The following CEP89 variants were observed in gnomAD, a reference collection of about 807,000 sequenced individuals.
CEP89 encodes the protein centrosomal protein 89.
Under a neutral mutation model 97.6 loss-of-function variants are expected in CEP89, and 95 were observed. The ratio of observed to expected loss-of-function variants is 0.97; its 90% confidence interval spans 0.82 to 1.15. The LOEUF (loss-of-function observed/expected upper bound fraction) is 1.15. CEP89 is among the 50% of genes most tolerant of loss of function. The pLI, the probability that CEP89 is intolerant of heterozygous loss-of-function variation, is 0.00. For synonymous variants in CEP89, 354 were observed against 349.1 expected (o/e 1.01, Z -0.16); for missense variants, 869 against 947.7 (o/e 0.92, Z 1.09).
intron 14 of CEP89, among the ~76,000 whole-genome samples, chr19:32,913,819 A>C (rs1363494239): frequency 6.6e-6 from 1 of 151,810 alleles, no homozygotes; most frequent in Non-Finnish European, 1.5e-5. Context: ...TTATACTTTC[A>C]GTAGAGACAG....
At chr19:32,952,482 T>A (rs1433012734) in intron 4 of CEP89, among the ~76,000 whole-genome samples, 3 of 141,942 alleles carry the variant, frequency 2.1e-5, no homozygotes, top group South Asian at 2.3e-4. Flanking sequence ...CATCTCAATT[T>A]AAAAAAAAAA....
chr19:32,971,472 TAGC>T, intron 1 of CEP89: 1 of 544,480 alleles, frequency 1.8e-6, no homozygotes, highest in Non-Finnish European at 3.3e-6. Flanking sequence ...CATAGGAACA[TAGC>T]AAGATCCCTG....
intron 5 of CEP89, among the ~76,000 whole-genome samples, chr19:32,944,235 A>AAAAAAAAAAAAAAAAAAAAAC (rs1970749221): frequency 1.6e-5 from 2 of 123,728 alleles, no homozygotes; most frequent in African/African-American, 2.9e-5. Flanking sequence ...AAAAAAAAAA[A>AAAAAAAAAAAAAAAAAAAAAC]AAGACTCTTC....
At chr19:32,931,893 A>G (rs1970482258) in intron 8 of CEP89, among the ~76,000 whole-genome samples, 1 of 152,214 alleles carries the variant, frequency 6.6e-6, no homozygotes, top group Non-Finnish European at 1.5e-5. Context: ...TTGAAAAATC[A>G]TACAGAGGCC....
At chr19:32,909,420 C>CACA (rs1253089672) in intron 14 of CEP89, among the ~76,000 whole-genome samples, 1 of 152,186 alleles carries the variant, frequency 6.6e-6, no homozygotes, top group Non-Finnish European at 1.5e-5. Context: ...TGACACAGTA[C>CACA]ACACCAAGTA....
chr19:32,892,676 G>GAAAAAA (rs61294746), intron 16 of CEP89, among the ~76,000 whole-genome samples: 1 of 107,392 alleles, frequency 9.3e-6, no homozygotes, highest in African/African-American at 3.4e-5. Context: ...AGGGCTAAAA[G>GAAAAAA]AAAAAAAAAA....
At chr19:32,944,528 C>T (rs1450734037) in intron 5 of CEP89, among the ~76,000 whole-genome samples, 2 of 152,080 alleles carry the variant, frequency 1.3e-5, no homozygotes, top group East Asian at 3.9e-4. Flanking sequence ...CACTTAACTA[C>T]ATGAAGGTCT....
rs139729404 is a variant in CEP89, at chr19:32,882,420, A to C, written c.1966-407T>G. Among the ~76,000 whole-genome samples, 194 of 152,098 alleles carry C rather than the reference A, an allele frequency of 1.3e-3. 2 individuals are homozygous for C. In the East Asian group the frequency reaches 0.033, roughly 26 times the overall value. ...TCTATTAAAAATACAAAAATTAGCC[A>C]GGCGTTGTAGTGCATGCCTGTAGTC... On this transcript the variant is annotated intron_variant, in intron 17 of 18. Coordinates refer to ENST00000305768, the MANE Select transcript of CEP89 (RefSeq NM_032816.5).
chr19:32,887,478 TGA>T (rs1169581326), intron 17 of CEP89, among the ~76,000 whole-genome samples: 1 of 152,112 alleles, frequency 6.6e-6, no homozygotes, highest in Non-Finnish European at 1.5e-5. Flanking sequence ...CTGGGCCTCC[TGA>T]GTCACTGAGA....
At position 32,923,479 on chromosome 19, in the gene CEP89, G is replaced by A; in HGVS notation, c.1228C>T (p.Gln410Ter). Residue 410 changes from glutamine to a stop codon, truncating the protein, a stop_gained, in exon 12 of 19, where the codon CAA becomes TAA. Transcript: ENST00000305768. LOFTEE classifies it high-confidence loss of function. ...EVVKENEELH[Q>*]ELNKSSAVTS... ...ACAGCACTACTCTTATTTAACTCTT[G>A]GTGCAATTCTTCATTTTCTTTCACC... is the stretch of plus-strand genomic sequence containing the variant. 12 of 1,609,328 alleles carry A rather than the reference G, an allele frequency of 7.5e-6. No homozygotes were observed. Among genetic ancestry groups the A allele is most frequent in the Non-Finnish European group, 1.0e-5 (12 of 1,176,014 alleles).
At chr19:32,880,286 C>T (rs867460086) in intron 18 of CEP89, among the ~76,000 whole-genome samples, 5 of 152,218 alleles carry the variant, frequency 3.3e-5, no homozygotes, top group South Asian at 2.1e-4. Context: ...CTTCGCACCA[C>T]GGTTTAAAGA....
intron 16 of CEP89, among the ~76,000 whole-genome samples, chr19:32,890,310 G>A (rs932978728): frequency 6.6e-6 from 1 of 152,166 alleles, no homozygotes; most frequent in African/African-American, 2.4e-5. Context: ...TGAGGCAGGA[G>A]AATCACTTGA....
intron 17 of CEP89, among the ~76,000 whole-genome samples, chr19:32,887,080 A>G (rs1969414553): frequency 6.6e-6 from 1 of 151,080 alleles, no homozygotes; most frequent in Non-Finnish European, 1.5e-5. Flanking sequence ...AGTCCCAGCT[A>G]CTTGGGAGGC....
At chr19:32,887,392 A>C (rs1243355737) in intron 17 of CEP89, among the ~76,000 whole-genome samples, 2 of 151,510 alleles carry the variant, frequency 1.3e-5, no homozygotes, top group East Asian at 4.0e-4. Flanking sequence ...TAACTTTTTA[A>C]ATTTTTTGTA....
chr19:32,897,182 A>C (rs1308217135), intron 16 of CEP89, among the ~76,000 whole-genome samples: 2 of 152,358 alleles, frequency 1.3e-5, no homozygotes, highest in East Asian at 3.9e-4. Context: ...TAATAGGACC[A>C]CATGTAGGAA....
At chr19:32,880,499 C>T (rs73041770) in intron 18 of CEP89, among the ~76,000 whole-genome samples, 22,310 of 151,930 alleles carry the variant, frequency 0.15, 2,009 homozygotes, top group Non-Finnish European at 0.21. Flanking sequence ...GCTGGGCCCA[C>T]GTGGTGGCAT....
In CEP89 at chr19:32,882,121, A is replaced by G. The variant is rs1026130747; in HGVS notation, c.1966-108T>C. 1.6e-5 allele frequency: 14 copies of G among 894,580 alleles called. No homozygotes were observed. In the African/African-American group the frequency reaches 1.7e-4, roughly 11 times the overall value. 55.4% of individuals were successfully genotyped at this position (894,580 alleles called of 1,614,324 possible). A position where few individuals can be genotyped will look rare whatever the true frequency, so the allele number is the denominator to read the frequency against. Reference sequence around the variant, plus strand: ...CTCCTTGTGTGTCAGAGCCTTTAAAATCTAGCAACCCCGGATAAGTTTGGT... The same window carrying G: ...CTCCTTGTGTGTCAGAGCCTTTAAAGTCTAGCAACCCCGGATAAGTTTGGT... On this transcript the variant is annotated intron_variant, in intron 17 of 18. Transcript: ENST00000305768.
At position 32,885,552 on chromosome 19, in the gene CEP89, G is replaced by A. The variant is rs147645457; in HGVS notation, c.1965+2200C>T. On this transcript the variant is annotated intron_variant, in intron 17 of 18. Transcript: ENST00000305768. ...GCCCAGGCTGGTCTCAGACTCCTGGGCTCAAGTGATCTGCCTGCCTTGGCC... is the reference window on the plus strand; with the variant it reads ...GCCCAGGCTGGTCTCAGACTCCTGGACTCAAGTGATCTGCCTGCCTTGGCC... 2.7e-3 allele frequency among the ~76,000 whole-genome samples: 410 copies of A among 152,230 alleles called. 2 individuals carry two copies. Among genetic ancestry groups the A allele is most frequent in the Non-Finnish European group, 4.8e-3 (324 of 68,010 alleles).
At chr19:32,891,340 C>A (rs576276362) in intron 16 of CEP89, among the ~76,000 whole-genome samples, 30 of 151,344 alleles carry the variant, frequency 2.0e-4, no homozygotes, top group African/African-American at 7.0e-4. Context: ...TTGGTTGCCC[C>A]AGGCACACAC....
Sources: gnomAD v4.1 joint callset for allele counts (sites outside exome capture counted in the v4.1 genomes callset) on GRCh38, gnomAD v4.1.1 for gene constraint, MANE v1.5 for transcripts, NCBI Gene and HGNC (gene_info 2026-07-23, HGNC 2026-07-21) for gene names.